Variants in SNTG2 observed in about 807,000 individuals in gnomAD.
SNTG2 encodes gamma-2-syntrophin.
SNTG2 carries 74 observed loss-of-function variants against 70.9 expected under a neutral mutation model. That is an observed-to-expected ratio of 1.04 (90% CI 0.86 to 1.27). The LOEUF (loss-of-function observed/expected upper bound fraction) is 1.27, where lower values mean the gene tolerates loss of function less well. Among genes scored for constraint, SNTG2 ranks in the 50% most tolerant of loss-of-function variants. The pLI, the probability that SNTG2 is intolerant of heterozygous loss-of-function variation, is 0.00. For synonymous variants in SNTG2, 278 were observed against 273.8 expected, an observed-to-expected ratio of 1.02 and a Z score of -0.15; for missense variants, 717 against 690.7, an observed-to-expected ratio of 1.04 and a Z score of -0.43.
chr2:1,117,525 G>A (rs1041443924), intron 4 of SNTG2, among the ~76,000 whole-genome samples: 1 of 152,180 alleles, frequency 6.6e-6, no homozygotes, highest in Admixed American at 6.5e-5. Flanking sequence ...CCCCTGGGGA[G>A]CTGGAGCCCT....
In SNTG2 at chr2:1,083,941, C is replaced by CGAGGCAGGGGAATCACTTGAATCCAG. The variant is rs1261812898; in HGVS notation, c.210+292_210+317dup. 9.6e-4 allele frequency among the ~76,000 whole-genome samples: 146 copies of CGAGGCAGGGGAATCACTTGAATCCAG among 152,030 alleles called. 1 individual carries two copies. Among genetic ancestry groups the CGAGGCAGGGGAATCACTTGAATCCAG allele is most frequent in the Non-Finnish European group, 1.2e-3 (80 of 67,998 alleles). On this transcript the variant is annotated intron_variant, in intron 2 of 16. Coordinates refer to ENST00000308624, the MANE Select transcript of SNTG2 (RefSeq NM_018968.4). Reference sequence around the variant, plus strand: ...CTGTAATCCCAGCTACTCGGAAGTCCGAGGCAGGGGAATCACTTGAATCCA... The same window carrying CGAGGCAGGGGAATCACTTGAATCCAG: ...CTGTAATCCCAGCTACTCGGAAGTCCGAGGCAGGGGAATCACTTGAATCCAGGAGGCAGGGGAATCACTTGAATCCA...
intron 16 of SNTG2, among the ~76,000 whole-genome samples, chr2:1,326,759 G>T (rs13402747): frequency 6.6e-6 from 1 of 151,900 alleles, no homozygotes; most frequent in African/African-American, 2.4e-5. Flanking sequence ...TCTTATAAAC[G>T]AATCCATTTA....
rs373679062 is a variant in SNTG2 at position 1,166,575 on chromosome 2, G to A, written c.499+940G>A. ...ACATCAGTAGTTGAGTTCTGATCAT[G>A]CATTGGGTTTTTCACTGATACAGGA... On this transcript the variant is annotated intron_variant, in intron 7 of 16. Transcript: ENST00000308624. Among the ~76,000 whole-genome samples the A allele has an allele frequency of 6.6e-5, 10 of 152,214 alleles. 1 individual carries two copies. The East Asian group carries it at 1.3e-3, about 20-fold the overall frequency.
intron 8 of SNTG2, among the ~76,000 whole-genome samples, chr2:1,198,619 T>A (rs1432165496): frequency 6.6e-6 from 1 of 151,900 alleles, no homozygotes; most frequent in African/African-American, 2.4e-5. Context: ...TTAATAAAAG[T>A]TTTTTAGTAA....
intron 16 of SNTG2, among the ~76,000 whole-genome samples, chr2:1,351,978 C>T (rs926474704): frequency 3.9e-5 from 6 of 152,160 alleles, no homozygotes; most frequent in Non-Finnish European, 8.8e-5. Flanking sequence ...TGTCCTCACC[C>T]CATGGACATG....
intron 1 of SNTG2, among the ~76,000 whole-genome samples, chr2:1,068,620 G>A (rs1376717586): frequency 2.6e-5 from 4 of 152,142 alleles, no homozygotes; most frequent in Admixed American, 6.6e-5. Context: ...GTACTGTCGC[G>A]TATTGTTGGA....
intron 6 of SNTG2, among the ~76,000 whole-genome samples, chr2:1,157,968 TAG>T (rs1670010969): frequency 6.6e-6 from 1 of 152,172 alleles, no homozygotes; most frequent in Non-Finnish European, 1.5e-5. Flanking sequence ...GCACAAAAGT[TAG>T]CATTTCAAAG....
intron 14 of SNTG2, among the ~76,000 whole-genome samples, chr2:1,305,419 G>C (rs1466653323): frequency 6.6e-6 from 1 of 152,222 alleles, no homozygotes; most frequent in Non-Finnish European, 1.5e-5. Flanking sequence ...CTCCGATGTG[G>C]GAAGTGGGCC....
In SNTG2 at chr2:1,267,642, G is replaced by T. The variant is rs542196978; in HGVS notation, c.1284+71G>T. 1.7e-5 allele frequency: 23 copies of T among 1,350,502 alleles called. No homozygotes were observed. The Middle Eastern group carries it at 7.6e-4, about 45-fold the overall frequency. The allele number at this position is 1,350,502 out of a possible 1,614,324, so 83.7% of individuals were successfully genotyped here. A position where few individuals can be genotyped will look rare whatever the true frequency, so the allele number is the denominator to read the frequency against. On this transcript the variant is annotated intron_variant, in intron 14 of 16. Coordinates refer to ENST00000308624, the MANE Select transcript of SNTG2 (RefSeq NM_018968.4). ...TCTGAGACATAGCATTGGGGAATATGTAGCAGTTTATCGGGGGAAAAGAGG... is the reference window on the plus strand; with the variant it reads ...TCTGAGACATAGCATTGGGGAATATTTAGCAGTTTATCGGGGGAAAAGAGG...
Position 1,281,839 on chromosome 2 carries a change from G to A in SNTG2, c.1284+14268G>A, listed in dbSNP as rs1679561753. On this transcript the variant is annotated intron_variant, in intron 14 of 16. Transcript: ENST00000308624. Reference sequence around the variant, plus strand: ...TGGAAGCGGACACTGGCCCCACCCAGCACAAGCACCCCACACATCTGTGGA... The same window carrying A: ...TGGAAGCGGACACTGGCCCCACCCAACACAAGCACCCCACACATCTGTGGA... 2.0e-5 allele frequency among the ~76,000 whole-genome samples: 3 copies of A among 152,088 alleles called. No individual in the cohort carries two copies. In the South Asian group the frequency reaches 6.2e-4, roughly 32 times the overall value.
chr2:1,062,612 G>T lies in SNTG2; in HGVS notation c.73-20906G>T, dbSNP rs181717933. Among the ~76,000 whole-genome samples, 51 of 152,268 alleles carry T rather than the reference G, an allele frequency of 3.3e-4. 1 individual carries two copies. The highest frequency in any genetic ancestry group is 6.8e-4 in the Non-Finnish European group (46 of 68,008). Reference sequence around the variant, plus strand: ...GAATTAACAGTCATTCTTCAAATAAGAAAATGTATTGGGCACCAACTCTAC... The same window carrying T: ...GAATTAACAGTCATTCTTCAAATAATAAAATGTATTGGGCACCAACTCTAC... On this transcript the variant is annotated intron_variant, in intron 1 of 16. Coordinates refer to ENST00000308624, the MANE Select transcript of SNTG2 (RefSeq NM_018968.4).
At chr2:1,346,582 G>C (rs1389701641) in intron 16 of SNTG2, 1 of 152,318 alleles carries the variant, frequency 6.6e-6, no homozygotes, top group Non-Finnish European at 1.5e-5. Flanking sequence ...GGAAGACGAA[G>C]AGGATGGCAA....
At chr2:1,315,941 G>A (rs562142956) in intron 15 of SNTG2, among the ~76,000 whole-genome samples, 1 of 152,242 alleles carries the variant, frequency 6.6e-6, no homozygotes, top group South Asian at 2.1e-4. Context: ...CTGTGTACAG[G>A]AAAACACAAG....
chr2:988,436 AT>A (rs369503795), intron 1 of SNTG2, among the ~76,000 whole-genome samples: 1 of 151,670 alleles, frequency 6.6e-6, no homozygotes, highest in Non-Finnish European at 1.5e-5. Context: ...TGGAGTTTTG[AT>A]TTTTTTTGGC....
intron 8 of SNTG2, among the ~76,000 whole-genome samples, chr2:1,179,391 C>T (rs940799542): frequency 2.6e-5 from 4 of 152,048 alleles, no homozygotes; most frequent in Non-Finnish European, 5.9e-5. Flanking sequence ...AATCAATGTG[C>T]AAAAATCACA....
intron 4 of SNTG2, among the ~76,000 whole-genome samples, chr2:1,135,531 C>G (rs1314282461): frequency 6.6e-6 from 1 of 152,128 alleles, no homozygotes; most frequent in Non-Finnish European, 1.5e-5. Context: ...ACCAGCCTGG[C>G]CAACATGGCA....
chr2:1,308,416 G>T lies in SNTG2; in HGVS notation c.1285-78G>T. The T allele has an allele frequency of 3.1e-6, 4 of 1,310,180 alleles. No homozygotes were observed. The South Asian group carries it at 3.9e-5, about 13-fold the overall frequency. The allele number at this position is 1,310,180 out of a possible 1,614,324, so 81.2% of individuals were successfully genotyped here. A position where few individuals can be genotyped will look rare whatever the true frequency, so the allele number is the denominator to read the frequency against. The stretch of plus-strand genomic sequence containing the variant: ...TTTTATAATTTTTGACCAAAGGGGG[G>T]TTAATATGGAGACTACCTAATTAAA... On this transcript the variant is annotated intron_variant, in intron 14 of 16. Transcript: ENST00000308624.
intron 1 of SNTG2, among the ~76,000 whole-genome samples, chr2:978,726 C>T (rs917578702): frequency 2.0e-5 from 3 of 151,342 alleles, no homozygotes; most frequent in East Asian, 1.9e-4. Context: ...GTGCAATAAG[C>T]GGATGTCTTA....
intron 11 of SNTG2, among the ~76,000 whole-genome samples, chr2:1,240,635 C>A (rs966226996): frequency 6.6e-6 from 1 of 152,140 alleles, no homozygotes; most frequent in Non-Finnish European, 1.5e-5. Flanking sequence ...TAGTGCTTAG[C>A]AAGAATATTT....
Sources: allele counts gnomAD v4.1 joint callset (sites outside exome capture counted in the v4.1 genomes callset), GRCh38; gene constraint gnomAD v4.1.1; transcripts MANE v1.5; gene names NCBI Gene and HGNC (gene_info 2026-07-23, HGNC 2026-07-21).